The following TASP1 variants were observed in gnomAD, a reference collection of about 807,000 sequenced individuals.
The protein encoded by TASP1 is taspase 1.
Under a neutral mutation model 56.6 loss-of-function variants are expected in TASP1, and 16 were observed. The observed-to-expected ratio is 0.28, with a 90% confidence interval of 0.19 to 0.43. The LOEUF (loss-of-function observed/expected upper bound fraction) is 0.43, where lower values mean the gene tolerates loss of function less well. Ranked by LOEUF, TASP1 falls within the 20% of genes least tolerant of loss-of-function variation. The pLI is 1.00. For synonymous variants in TASP1, 179 were observed against 184.2 expected (o/e 0.97, Z 0.23); for missense variants, 393 against 511.6 (o/e 0.77, Z 2.24).
intron 5 of TASP1, among the ~76,000 whole-genome samples, 159 bp downstream of exon 5, chr20:13,587,091 T>A (rs1322203919): frequency 6.6e-6 from 1 of 152,172 alleles, no homozygotes. Flanking sequence ...AAACTACTTA[T>A]AACTAAGACT....
chr20:13,334,550 T>C, the TASP1 span, among the ~76,000 whole-genome samples: 2 of 152,202 alleles, frequency 1.3e-5, no homozygotes, highest in African/African-American at 4.8e-5. Flanking sequence ...TCTAGTCTAC[T>C]AAAAGCTTGG....
At chr20:13,225,089 A>G in the TASP1 span, among the ~76,000 whole-genome samples, 55,545 of 150,124 alleles carry the variant, frequency 0.37, 10,363 homozygotes, top group South Asian at 0.44. Context: ...TCCTGACCTC[A>G]TGATCCGCCC....
chr20:13,426,075 T>A (rs1349580955), intron 12 of TASP1, among the ~76,000 whole-genome samples: 1 of 152,174 alleles, frequency 6.6e-6, no homozygotes, highest in Admixed American at 6.5e-5. Flanking sequence ...GGATGCTGAC[T>A]GAAAAGAGGA....
the TASP1 span, among the ~76,000 whole-genome samples, chr20:13,221,034 C>A: frequency 6.6e-6 from 1 of 152,118 alleles, no homozygotes; most frequent in Non-Finnish European, 1.5e-5. Flanking sequence ...GTGACAACCT[C>A]GGTGTGCCCG....
At chr20:13,377,960 C>T in the TASP1 span, among the ~76,000 whole-genome samples, 1 of 152,066 alleles carries the variant, frequency 6.6e-6, no homozygotes, top group African/African-American at 2.4e-5. Context: ...TGATTCTTCT[C>T]TCTTTTCTTC....
chr20:13,579,683 T>G (rs892949636), intron 6 of TASP1, among the ~76,000 whole-genome samples: 4 of 152,184 alleles, frequency 2.6e-5, no homozygotes, highest in Admixed American at 6.5e-5. Flanking sequence ...GGAAACTTAC[T>G]GAAATCCATC....
At chr20:13,629,237 G>A (rs62207641) in intron 2 of TASP1, among the ~76,000 whole-genome samples, 5,623 of 151,750 alleles carry the variant, frequency 0.037, 166 homozygotes, top group South Asian at 0.053. Context: ...GATGGTGGAC[G>A]TCTGTAATCC....
chr20:13,402,299 C>A (rs559604707), intron 13 of TASP1, among the ~76,000 whole-genome samples: 2 of 152,208 alleles, frequency 1.3e-5, no homozygotes, highest in Admixed American at 1.3e-4. Context: ...TAGAAATTAA[C>A]TTGAGGCTGA....
chr20:13,192,466 A>G, the TASP1 span, among the ~76,000 whole-genome samples: 1 of 152,092 alleles, frequency 6.6e-6, no homozygotes, highest in Non-Finnish European at 1.5e-5. Flanking sequence ...CTTGAACCCA[A>G]GTGATCAAGG....
chr20:13,525,354 C>T (rs2044933771), intron 10 of TASP1, among the ~76,000 whole-genome samples: 1 of 152,126 alleles, frequency 6.6e-6, no homozygotes, highest in South Asian at 2.1e-4. Flanking sequence ...CTGCTCTAGT[C>T]TATCCCTAGC....
At chr20:13,365,843 C>T in the TASP1 span, among the ~76,000 whole-genome samples, 3 of 152,132 alleles carry the variant, frequency 2.0e-5, no homozygotes, top group African/African-American at 7.2e-5. Flanking sequence ...GGGAGGAGAA[C>T]GGCCTGGGGA....
intron 10 of TASP1, among the ~76,000 whole-genome samples, chr20:13,496,662 G>A (rs972546281): frequency 2.0e-5 from 3 of 152,032 alleles, no homozygotes; most frequent in African/African-American, 7.2e-5. Flanking sequence ...GGGCTCCAGT[G>A]CCAAAAGATG....
the TASP1 span, among the ~76,000 whole-genome samples, chr20:13,208,408 T>A: frequency 6.6e-6 from 1 of 152,214 alleles, no homozygotes; most frequent in Non-Finnish European, 1.5e-5. Context: ...CTTTTTAGAA[T>A]CTAGATGTTG....
intron 9 of TASP1, among the ~76,000 whole-genome samples, chr20:13,531,391 T>C (rs897123842): frequency 2.0e-5 from 3 of 152,134 alleles, no homozygotes; most frequent in South Asian, 4.1e-4. Flanking sequence ...AAATGAAATA[T>C]AATAATTCCT....
chr20:13,369,835 T>C, the TASP1 span, among the ~76,000 whole-genome samples: 6 of 152,364 alleles, frequency 3.9e-5, no homozygotes, highest in East Asian at 1.2e-3. Flanking sequence ...ATAAAAGCAG[T>C]ACTTCTGCTT....
the TASP1 span, among the ~76,000 whole-genome samples, chr20:13,301,090 T>G: frequency 6.0e-4 from 92 of 152,224 alleles, 1 homozygote; most frequent in Non-Finnish European, 9.3e-4. Flanking sequence ...CTGTAGCACA[T>G]TTTTGAAGTC....
At chr20:13,616,360 C>T (rs1485354341) in intron 4 of TASP1, among the ~76,000 whole-genome samples, 1 of 152,076 alleles carries the variant, frequency 6.6e-6, no homozygotes, top group African/African-American at 2.4e-5. Context: ...CAAGGGCATA[C>T]ATAGAGAGTT....
At chr20:13,553,813 C>T (rs2147030573) in intron 8 of TASP1, among the ~76,000 whole-genome samples, 1 of 152,252 alleles carries the variant, frequency 6.6e-6, no homozygotes, top group Non-Finnish European at 1.5e-5. Context: ...AAACGACCTA[C>T]CAAATAGCCA....
the TASP1 span, chr20:13,164,706 G>T: frequency 2.1e-6 from 3 of 1,441,094 alleles, no homozygotes; most frequent in East Asian, 4.7e-5. Flanking sequence ...GCAAAGCAGG[G>T]CTACTTAGGT....
Sources: gnomAD v4.1 joint callset for allele counts (sites outside exome capture counted in the v4.1 genomes callset) on GRCh38, gnomAD v4.1.1 for gene constraint, MANE v1.5 for transcripts, NCBI Gene and HGNC (gene_info 2026-07-23, HGNC 2026-07-21) for gene names.